The following CDH8 variants were observed in gnomAD, a reference collection of about 807,000 sequenced individuals.
CDH8 encodes cadherin 8, also known as cadherin-8.
A neutral mutation model predicts 68.1 loss-of-function variants in CDH8; 17 were observed. The ratio of observed to expected loss-of-function variants is 0.25; its 90% confidence interval spans 0.17 to 0.37. The LOEUF (loss-of-function observed/expected upper bound fraction) is 0.37. Among genes scored for constraint, CDH8 ranks in the 10% least tolerant of loss-of-function variants. The pLI is 1.00. For synonymous variants in CDH8, 372 were observed against 365.1 expected, an observed-to-expected ratio of 1.02 and a Z score of -0.21; for missense variants, 763 against 999.3, an observed-to-expected ratio of 0.76 and a Z score of 3.19.
chr16:61,656,911 C>T (rs1263739810), intron 10 of CDH8, among the ~76,000 whole-genome samples: 1 of 152,070 alleles, frequency 6.6e-6, no homozygotes, highest in African/African-American at 2.4e-5. Context: ...AATTGCTAAC[C>T]TGCTTTCTCA....
At chr16:61,663,750 T>C (rs1423838926) in intron 10 of CDH8, among the ~76,000 whole-genome samples, 1 of 151,952 alleles carries the variant, frequency 6.6e-6, no homozygotes, top group Non-Finnish European at 1.5e-5. Flanking sequence ...TATCTATCCA[T>C]CTCTCTAATC....
At chr16:61,967,377 C>T (rs1311656041) in intron 2 of CDH8, among the ~76,000 whole-genome samples, 1 of 152,102 alleles carries the variant, frequency 6.6e-6, no homozygotes, top group Non-Finnish European at 1.5e-5. Flanking sequence ...TGTGTTAATG[C>T]CGATAATTAG....
At chr16:62,030,747 T>C (rs189213592) in intron 1 of CDH8, among the ~76,000 whole-genome samples, 131 of 152,272 alleles carry the variant, frequency 8.6e-4, no homozygotes, top group Non-Finnish European at 1.4e-3. Context: ...GTAAGGGGAT[T>C]CCATTTAATA....
At chr16:62,000,607 T>G (rs1567563139) in intron 2 of CDH8, among the ~76,000 whole-genome samples, 1 of 152,226 alleles carries the variant, frequency 6.6e-6, no homozygotes. Context: ...ATATCTCAAC[T>G]AATAAACATT....
At chr16:61,817,972 G>T in intron 6 of CDH8, 1 of 388,554 alleles carries the variant, frequency 2.6e-6, no homozygotes, top group South Asian at 6.1e-5. Context: ...CATTTCACTT[G>T]GAATTCACAA....
intron 7 of CDH8, among the ~76,000 whole-genome samples, chr16:61,793,185 G>A (rs961836147): frequency 6.6e-6 from 1 of 151,784 alleles, no homozygotes; most frequent in African/African-American, 2.4e-5. Context: ...ACCAGAATCC[G>A]ATCACACTGG....
Position 61,755,789 on chromosome 16 carries a change from C to A in CDH8, c.1415-28574G>T, listed in dbSNP as rs1422925126. On this transcript the variant is annotated intron_variant, in intron 8 of 11. Transcript: ENST00000577390. ...TTCTTCTCCTTCTCCTTCTCCTTCT[C>A]CGCCTTCTTCTTCTTCTTCTCCTTC... Among the ~76,000 whole-genome samples, 4 of 145,220 alleles carry A rather than the reference C, an allele frequency of 2.8e-5. No homozygotes were observed. In the Admixed American group the frequency reaches 2.8e-4, roughly 10 times the overall value.
At chr16:61,705,584 C>A (rs1181407208) in intron 10 of CDH8, among the ~76,000 whole-genome samples, 1 of 151,972 alleles carries the variant, frequency 6.6e-6, no homozygotes, top group Non-Finnish European at 1.5e-5. Flanking sequence ...AATAAGGACA[C>A]CAATATGAAA....
intron 3 of CDH8, among the ~76,000 whole-genome samples, chr16:61,859,621 G>A (rs373701199): frequency 1.3e-5 from 2 of 152,306 alleles, no homozygotes; most frequent in African/African-American, 4.8e-5. Flanking sequence ...TCAATTAAGA[G>A]AGGATAAAAC....
At chr16:61,812,203 C>T (rs768929457) in intron 7 of CDH8, among the ~76,000 whole-genome samples, 1 of 152,144 alleles carries the variant, frequency 6.6e-6, no homozygotes, top group African/African-American at 2.4e-5. Context: ...AATATTTTCA[C>T]TTTAGCATCC....
intron 3 of CDH8, among the ~76,000 whole-genome samples, chr16:61,877,789 G>A (rs1963491159): frequency 2.0e-5 from 3 of 152,088 alleles, no homozygotes; most frequent in Admixed American, 2.0e-4. Context: ...TGAATGCACG[G>A]GGGAAAAATA....
chr16:61,858,158 G>A (rs1044196654), intron 3 of CDH8, among the ~76,000 whole-genome samples: 1 of 151,882 alleles, frequency 6.6e-6, no homozygotes, highest in Non-Finnish European at 1.5e-5. Context: ...GAGGAGGAAG[G>A]GTCAAACAAA....
intron 8 of CDH8, among the ~76,000 whole-genome samples, chr16:61,787,506 G>A (rs1417979948): frequency 7.1e-6 from 1 of 141,196 alleles, no homozygotes; most frequent in South Asian, 2.3e-4. Flanking sequence ...CTGGAAACTA[G>A]TTCAACCATT....
intron 10 of CDH8, among the ~76,000 whole-genome samples, chr16:61,680,180 A>G (rs1489035413): frequency 2.0e-5 from 3 of 151,954 alleles, no homozygotes; most frequent in Non-Finnish European, 2.9e-5. Flanking sequence ...GGGCAAACAT[A>G]CATCTTCAAA....
chr16:61,893,727 A>T (rs1963819994), intron 3 of CDH8, among the ~76,000 whole-genome samples: 1 of 152,170 alleles, frequency 6.6e-6, no homozygotes, highest in Non-Finnish European at 1.5e-5. Context: ...AGCCCCAAGG[A>T]CACATCGTGA....
At chr16:61,880,872 T>A (rs1963561314) in intron 3 of CDH8, among the ~76,000 whole-genome samples, 1 of 152,080 alleles carries the variant, frequency 6.6e-6, no homozygotes, top group Non-Finnish European at 1.5e-5. Context: ...CACCAGAGAC[T>A]CTCTCTCTTG....
At position 61,891,297 on chromosome 16, in the gene CDH8, C is replaced by T. The variant is rs554716186; in HGVS notation, c.547+9882G>A. On this transcript the variant is annotated intron_variant, in intron 3 of 11. Coordinates refer to ENST00000577390, the MANE Select transcript of CDH8 (RefSeq NM_001796.5). ...AATGAGCAAATGTTAAAACAAAATC[C>T]GATGAAGGAGCTCTCCCATCACAAA... Among the ~76,000 whole-genome samples, 35 of 152,072 alleles carry T rather than the reference C, an allele frequency of 2.3e-4. No homozygotes were observed. In the South Asian group the frequency reaches 5.4e-3, roughly 23 times the overall value.
chr16:61,768,314 TTCTC>T (rs1206629963), intron 8 of CDH8, among the ~76,000 whole-genome samples: 318 of 17,142 alleles, frequency 0.019, 12 homozygotes, highest in East Asian at 0.052. Context: ...GTCTCTCCCT[TTCTC>T]TCTCTCTCTC....
chr16:61,668,363 C>G (rs1206201580), intron 10 of CDH8, among the ~76,000 whole-genome samples: 1 of 151,832 alleles, frequency 6.6e-6, no homozygotes, highest in African/African-American at 2.4e-5. Context: ...TATGCTTGCT[C>G]TTACTCAAAA....
Sources: allele counts gnomAD v4.1 joint callset (sites outside exome capture counted in the v4.1 genomes callset), GRCh38; gene constraint gnomAD v4.1.1; transcripts MANE v1.5; gene names NCBI Gene and HGNC (gene_info 2026-07-23, HGNC 2026-07-21).